The following SCO1 variants were observed in gnomAD, a reference collection of about 807,000 sequenced individuals.
SCO1 encodes the protein synthesis of cytochrome C oxidase 1.
SCO1 carries 23 observed loss-of-function variants against 34.0 expected under a neutral mutation model. The ratio of observed to expected loss-of-function variants is 0.68; its 90% confidence interval spans 0.49 to 0.96. The LOEUF is 0.96. SCO1 is among the 40% of genes least tolerant of loss of function. The pLI is 0.00. For synonymous variants in SCO1, 161 were observed against 145.5 expected (o/e 1.11, Z -0.77); for missense variants, 404 against 381.6 (o/e 1.06, Z -0.49).
intron 5 of SCO1, among the ~76,000 whole-genome samples, chr17:10,684,755 A>AT (rs1390312905): frequency 2.0e-5 from 3 of 152,220 alleles, no homozygotes; most frequent in Non-Finnish European, 2.9e-5. Flanking sequence ...ATCATCGGAT[A>AT]AACTCAAAAC....
chr17:10,690,822 A>G (rs986043654), intron 4 of SCO1, among the ~76,000 whole-genome samples: 9 of 151,258 alleles, frequency 6.0e-5, no homozygotes, highest in African/African-American at 2.2e-4. Context: ...AAGAAAATGC[A>G]GTATACATAC....
Position 10,679,146 on chromosome 17 carries a change from C to T in SCO1, c.*1973G>A, listed in dbSNP as rs2074602870. The T allele has an allele frequency of 6.6e-6, 1 of 152,254 alleles. No homozygotes were observed. The highest frequency in any genetic ancestry group is 2.4e-5 in the African/African-American group (1 of 41,458). The allele number at this position is 152,254 out of a possible 1,614,324, so 9.4% of individuals were successfully genotyped here. ...TTTTTAGGAGAGAGACGACGTTTCA[C>T]CATGTTGGCCAGGCTGGTCTCGAAC... On this transcript the variant is annotated 3_prime_UTR_variant, in exon 6 of 6. Transcript: ENST00000255390.
intron 2 of SCO1, 94 bp from the exon 3 acceptor site, chr17:10,693,055 A>C: frequency 9.8e-7 from 1 of 1,015,368 alleles, no homozygotes; most frequent in Non-Finnish European, 1.5e-6. Flanking sequence ...TATGCTACTC[A>C]TGGTGGGGGC....
rs1487712919 is a variant in SCO1, at chr17:10,675,751, C to T, written c.*5368G>A. On this transcript the variant is annotated 3_prime_UTR_variant, in exon 6 of 6. Coordinates refer to ENST00000255390, the MANE Select transcript of SCO1 (RefSeq NM_004589.4). ...TACAAATTTAAAGAAAAAAAACACC[C>T]AACAACGAGGACAAATGCGTTAGTC... is the stretch of plus-strand genomic sequence containing the variant. 2 of 152,116 alleles carry T rather than the reference C, an allele frequency of 1.3e-5. No homozygotes were observed. Among genetic ancestry groups the T allele is most frequent in the African/African-American group, 2.4e-5 (1 of 41,420 alleles). 9.4% of individuals were successfully genotyped at this position (152,116 alleles called of 1,614,324 possible).
At chr17:10,696,993 A>G (rs929543300) in intron 1 of SCO1, among the ~76,000 whole-genome samples, 28 of 150,700 alleles carry the variant, frequency 1.9e-4, no homozygotes, top group African/African-American at 6.6e-4. Flanking sequence ...CATAAAATCC[A>G]AGTCGGGGCA....
rs904102171 is a variant in SCO1, at chr17:10,674,563, T to C, written c.*6556A>G. The C allele has an allele frequency of 3.0e-5, 5 of 164,568 alleles. No individual in the cohort carries two copies. The highest frequency in any genetic ancestry group is 1.2e-4 in the African/African-American group (5 of 41,556). The allele number at this position is 164,568 out of a possible 1,614,324, so 10.2% of individuals were successfully genotyped here. A position where few individuals can be genotyped will look rare whatever the true frequency, so the allele number is the denominator to read the frequency against. On this transcript the variant is annotated 3_prime_UTR_variant, in exon 6 of 6. Transcript: ENST00000255390. ...CACAGACTACACTGAGTAGCAAGGCTGTAGAGGGAGTCTGAGTATTAGCTT... is the reference window on the plus strand; with the variant it reads ...CACAGACTACACTGAGTAGCAAGGCCGTAGAGGGAGTCTGAGTATTAGCTT...
chr17:10,695,504 AT>A, intron 2 of SCO1: 2 of 467,272 alleles, frequency 4.3e-6, no homozygotes, highest in Non-Finnish European at 7.8e-6. Context: ...ACAATCTGTA[AT>A]TTAATAGTTG....
Position 10,674,669 on chromosome 17 carries a change from G to A in SCO1, c.*6450C>T, listed in dbSNP as rs1239553340. On this transcript the variant is annotated 3_prime_UTR_variant, in exon 6 of 6. Coordinates refer to ENST00000255390, the MANE Select transcript of SCO1 (RefSeq NM_004589.4). The stretch of plus-strand genomic sequence containing the variant: ...GGACATACCAGATGGTGTGTGACAC[G>A]TCTGACATTGTGATGGCGAAACCAC... 2.0e-5 allele frequency: 3 copies of A among 152,532 alleles called. No homozygotes were observed. The highest frequency in any genetic ancestry group is 4.4e-5 in the Non-Finnish European group (3 of 68,310). 9.4% of individuals were successfully genotyped at this position (152,532 alleles called of 1,614,324 possible).
chr17:10,686,682 G>A (rs759928304), intron 5 of SCO1, 45 bp downstream of exon 5: 2 of 1,138,716 alleles, frequency 1.8e-6, no homozygotes, highest in South Asian at 1.2e-5. Flanking sequence ...GACTATTTGG[G>A]ATCTGGGAGC....
chr17:10,680,621 C>T lies in SCO1; in HGVS notation c.*498G>A. 6.0e-6 allele frequency: 1 copy of T among 167,088 alleles called. No homozygotes were observed. The highest frequency in any genetic ancestry group is 1.3e-5 in the Non-Finnish European group (1 of 76,086). 10.4% of individuals were successfully genotyped at this position (167,088 alleles called of 1,614,324 possible). On this transcript the variant is annotated 3_prime_UTR_variant, in exon 6 of 6. Transcript: ENST00000255390. ...GTTTTCAAGCATCAACTCTGAATGGCAGAGACCCTAATCTGACTGTTATTA... is the reference window on the plus strand; with the variant it reads ...GTTTTCAAGCATCAACTCTGAATGGTAGAGACCCTAATCTGACTGTTATTA...
intron 5 of SCO1, among the ~76,000 whole-genome samples, chr17:10,685,821 G>A (rs1365520696): frequency 6.6e-6 from 1 of 152,146 alleles, no homozygotes; most frequent in African/African-American, 2.4e-5. Flanking sequence ...TTCCAACATG[G>A]CACCCAAGTA....
In SCO1 at chr17:10,675,800, T is replaced by C. The variant is rs1415159331; in HGVS notation, c.*5319A>G. ...TCTTTTTAAACTGGTCCAACCTGAA[T>C]AACGCCACCCTATGTTTAAGAATGG... On this transcript the variant is annotated 3_prime_UTR_variant, in exon 6 of 6. Coordinates refer to ENST00000255390, the MANE Select transcript of SCO1 (RefSeq NM_004589.4). 1 of 152,174 alleles carries C rather than the reference T, an allele frequency of 6.6e-6. No homozygotes were observed. Among genetic ancestry groups the C allele is most frequent in the African/African-American group, 2.4e-5 (1 of 41,454 alleles). The allele number at this position is 152,174 out of a possible 1,614,324, so 9.4% of individuals were successfully genotyped here.
chr17:10,697,156 T>C, intron 1 of SCO1, 79 bp downstream of exon 1: 1 of 1,360,682 alleles, frequency 7.3e-7, no homozygotes. Context: ...GTGTCTGAGG[T>C]TACGACCAAG....
rs1158345117 is a variant in SCO1, at chr17:10,680,016, A to C, written c.*1103T>G. On this transcript the variant is annotated 3_prime_UTR_variant, in exon 6 of 6. Transcript: ENST00000255390. ...GGCTTGTCTTGAATACCTAACCTCT[A>C]GCAATCCTCAGGCCCTGGCCTCCCA... 6.6e-6 allele frequency: 1 copy of C among 151,362 alleles called. No individual in the cohort carries two copies. Among genetic ancestry groups the C allele is most frequent in the African/African-American group, 2.4e-5 (1 of 41,096 alleles). 9.4% of individuals were successfully genotyped at this position (151,362 alleles called of 1,614,324 possible).
intron 2 of SCO1, among the ~76,000 whole-genome samples, chr17:10,695,363 C>T (rs1357919136): frequency 6.6e-6 from 1 of 152,166 alleles, no homozygotes; most frequent in Non-Finnish European, 1.5e-5. Context: ...CATCTTCGTA[C>T]CCTCCAGATT....
At chr17:10,685,781 G>C (rs1031831866) in intron 5 of SCO1, among the ~76,000 whole-genome samples, 2 of 152,294 alleles carry the variant, frequency 1.3e-5, no homozygotes, top group African/African-American at 4.8e-5. Flanking sequence ...TTTAAAATAA[G>C]TGTTGTTCCA....
At position 10,691,875 on chromosome 17, in the gene SCO1, TC is replaced by T. The variant is rs777245019; in HGVS notation, c.651del (p.Glu219AsnfsTer9). 1.9e-6 allele frequency: 3 copies of T among 1,597,422 alleles called. No individual in the cohort carries two copies. Among genetic ancestry groups the T allele is most frequent in the Admixed American group, 1.7e-5 (1 of 59,978 alleles). On this transcript the variant is annotated frameshift_variant, in exon 4 of 6. Transcript: ENST00000255390. LOFTEE classifies it high-confidence loss of function. ...RDTKEAIANY[V>X]KEFSPKLVGL... is the part of the protein sequence containing the mutation. Reference sequence around the variant, plus strand: ...AAAGTATTATTTAAAAAAATACCTTTCACATAATTTGCGATGGCTTCTTTTG... The same window carrying T: ...AAAGTATTATTTAAAAAAATACCTTTACATAATTTGCGATGGCTTCTTTTG...
intron 5 of SCO1, among the ~76,000 whole-genome samples, chr17:10,684,919 TA>T (rs2074645769): frequency 6.6e-6 from 1 of 152,196 alleles, no homozygotes; most frequent in Non-Finnish European, 1.5e-5. Context: ...TCCTTACAAT[TA>T]AGGCTTAAAG....
chr17:10,684,733 A>G (rs1452512758), intron 5 of SCO1, among the ~76,000 whole-genome samples: 1 of 152,224 alleles, frequency 6.6e-6, no homozygotes, highest in Non-Finnish European at 1.5e-5. Context: ...GAGCTCATCT[A>G]TTCCTGCTGT....
Sources: gnomAD v4.1 joint callset for allele counts (sites outside exome capture counted in the v4.1 genomes callset) on GRCh38, gnomAD v4.1.1 for gene constraint, MANE v1.5 for transcripts, NCBI Gene and HGNC (gene_info 2026-07-23, HGNC 2026-07-21) for gene names.